Variants in EDEM2 observed in about 807,000 individuals in gnomAD.
EDEM2 encodes the protein ER degradation-enhancing alpha-mannosidase-like protein 2.
Under a neutral mutation model 64.8 loss-of-function variants are expected in EDEM2, and 39 were observed. The ratio of observed to expected loss-of-function variants is 0.60; its 90% CI spans 0.47 to 0.79. The LOEUF (loss-of-function observed/expected upper bound fraction) is 0.79. EDEM2 is among the 30% of genes least tolerant of loss of function. The probability of loss-of-function intolerance (pLI) is 0.00; values close to 1 mark genes in which losing one functional copy is unlikely to be tolerated. For synonymous variants in EDEM2, 296 were observed against 291.5 expected (o/e 1.02, Z -0.16); for missense variants, 609 against 731.3 (o/e 0.83, Z 1.93).
In EDEM2 at chr20:35,123,930, T is replaced by G; in HGVS notation, c.1074A>C (p.Gly358=). 6.2e-7 allele frequency: 1 copy of G among 1,614,166 alleles called. No homozygotes were observed. Among genetic ancestry groups the G allele is most frequent in the Non-Finnish European group, 8.5e-7 (1 of 1,180,030 alleles). ...GLPEFYNIPQ[G]YTVEKREGYP... is the part of the protein sequence containing the mutation. ...AGCCCTCTCGCTTCTCCACTGTGTA[T>G]CCCTGAGGAATGTTGTAGAATTCCG... Residue 358 remains glycine (G), a synonymous_variant, in exon 9 of 11, where the codon GGA becomes GGC. Transcript: ENST00000374492.
chr20:35,123,308 TG>T (rs1424960317), intron 9 of EDEM2, among the ~76,000 whole-genome samples: 3 of 152,008 alleles, frequency 2.0e-5, no homozygotes, highest in Non-Finnish European at 2.9e-5. Context: ...AAAGAGCATA[TG>T]GGGCCAGTCG....
At chr20:35,133,922 C>T (rs377093369) in intron 6 of EDEM2, among the ~76,000 whole-genome samples, 24 of 152,172 alleles carry the variant, frequency 1.6e-4, no homozygotes, top group African/African-American at 2.9e-4. Context: ...AATATATTAA[C>T]GTTACTGCTG....
chr20:35,139,215 T>C (rs962403487), intron 4 of EDEM2, among the ~76,000 whole-genome samples: 1 of 151,872 alleles, frequency 6.6e-6, no homozygotes, highest in Admixed American at 6.6e-5. Flanking sequence ...CTGGGCGTGG[T>C]GGCAAGCGCC....
chr20:35,124,188 C>A (rs2085403001), intron 8 of EDEM2, among the ~76,000 whole-genome samples, 154 bp from the exon 9 acceptor site: 1 of 152,206 alleles, frequency 6.6e-6, no homozygotes, highest in Non-Finnish European at 1.5e-5. Flanking sequence ...GAGCCAGGCA[C>A]TGGACTTCTC....
intron 1 of EDEM2, 52 bp from the exon 2 acceptor site, chr20:35,146,987 G>T: frequency 6.3e-7 from 1 of 1,585,968 alleles, no homozygotes. Flanking sequence ...AAAACAAGCG[G>T]GGGAAGAACA....
Position 35,147,300 on chromosome 20 carries a change from A to ACTGCAACCAGTTCAT in EDEM2, c.-57_-43dup. The ACTGCAACCAGTTCAT allele has an allele frequency of 6.9e-7, 1 of 1,457,780 alleles. No individual in the cohort carries two copies. Among genetic ancestry groups the ACTGCAACCAGTTCAT allele is most frequent in the South Asian group, 1.4e-5 (1 of 70,634 alleles). The allele number at this position is 1,457,780 out of a possible 1,614,324, so 90.3% of individuals were successfully genotyped here. The stretch of plus-strand genomic sequence containing the variant: ...CAGCGCCCCCGCAGCAGCAGCAGCC[A>ACTGCAACCAGTTCAT]CTGCAACCAGTTCATCCTGGGAGCT... On this transcript the variant is annotated 5_prime_UTR_variant, in exon 1 of 11. In the 5' UTR this introduces an upstream ATG that the reference lacks. Transcript: ENST00000374492.
At chr20:35,138,579 AC>A (rs1169605051) in intron 4 of EDEM2, among the ~76,000 whole-genome samples, 1 of 148,266 alleles carries the variant, frequency 6.7e-6, no homozygotes, top group Non-Finnish European at 1.5e-5. Flanking sequence ...AATATGTAGA[AC>A]TTTTTTTTTT....
chr20:35,129,369 T>C (rs2085478296), intron 7 of EDEM2, among the ~76,000 whole-genome samples: 1 of 151,252 alleles, frequency 6.6e-6, no homozygotes, highest in Non-Finnish European at 1.5e-5. Context: ...ATTGCACCAC[T>C]GTACTCCAGC....
intron 2 of EDEM2, among the ~76,000 whole-genome samples, chr20:35,145,222 T>C (rs73903020): frequency 6.6e-6 from 1 of 152,346 alleles, no homozygotes; most frequent in East Asian, 1.9e-4. Flanking sequence ...TTGGCTGATG[T>C]AGCTCAATTG....
chr20:35,135,044 C>T, intron 5 of EDEM2, 95 bp from the exon 6 acceptor site: 2 of 1,202,808 alleles, frequency 1.7e-6, no homozygotes, highest in Admixed American at 1.9e-5. Context: ...CCAGCACTTC[C>T]CTCTTTCTCC....
At chr20:35,126,401 G>T (rs1471402604) in intron 7 of EDEM2, 26 bp from the exon 8 acceptor site, 1 of 1,611,972 alleles carries the variant, frequency 6.2e-7, no homozygotes, top group Non-Finnish European at 8.5e-7. Context: ...TGGGATAATG[G>T]ACATATGAGT....
intron 4 of EDEM2, among the ~76,000 whole-genome samples, chr20:35,139,651 GA>G (rs924462871): frequency 1.3e-3 from 99 of 75,058 alleles, no homozygotes; most frequent in Admixed American, 2.1e-3. Context: ...CTCCATCTCA[GA>G]AAAAAAAAAA....
intron 7 of EDEM2, among the ~76,000 whole-genome samples, chr20:35,128,160 C>A (rs545447842): frequency 1.4e-4 from 22 of 151,748 alleles, no homozygotes; most frequent in Non-Finnish European, 3.1e-4. Context: ...GCGAGGTGGG[C>A]GGATCACGAG....
chr20:35,137,516 C>A (rs992880513), intron 5 of EDEM2, among the ~76,000 whole-genome samples: 2 of 152,170 alleles, frequency 1.3e-5, no homozygotes, highest in Non-Finnish European at 2.9e-5. Context: ...AATGCTCACA[C>A]CAACACCCTT....
At chr20:35,123,788 T>C (rs981890426) in intron 9 of EDEM2, 102 bp downstream of exon 9, 16 of 1,410,294 alleles carry the variant, frequency 1.1e-5, no homozygotes, top group East Asian at 2.3e-5. Flanking sequence ...TGGAAAGAAA[T>C]GAACTTGTGG....
intron 6 of EDEM2, among the ~76,000 whole-genome samples, chr20:35,132,572 T>C (rs1361291386): frequency 6.6e-6 from 1 of 152,128 alleles, no homozygotes; most frequent in Non-Finnish European, 1.5e-5. Context: ...GAGAATCACT[T>C]GAACCCAAGA....
intron 4 of EDEM2, among the ~76,000 whole-genome samples, chr20:35,140,471 C>T (rs530591318): frequency 1.3e-5 from 2 of 152,078 alleles, no homozygotes; most frequent in South Asian, 2.1e-4. Flanking sequence ...GAGTGAGACT[C>T]TATTTCAAAC....
At chr20:35,138,874 G>A (rs1319846792) in intron 4 of EDEM2, among the ~76,000 whole-genome samples, 3 of 151,918 alleles carry the variant, frequency 2.0e-5, no homozygotes, top group Non-Finnish European at 4.4e-5. Context: ...ATGAGCCACC[G>A]CACCCGGCCT....
At chr20:35,118,771 C>T in intron 9 of EDEM2, 52 bp from the exon 10 acceptor site, 1 of 1,606,132 alleles carries the variant, frequency 6.2e-7, no homozygotes, top group Non-Finnish European at 8.5e-7. Flanking sequence ...CAGAGATGGC[C>T]TGGGGCCTCT....
Sources: allele counts gnomAD v4.1 joint callset (sites outside exome capture counted in the v4.1 genomes callset), GRCh38; gene constraint gnomAD v4.1.1; transcripts MANE v1.5; gene names NCBI Gene and HGNC (gene_info 2026-07-23, HGNC 2026-07-21).